Variants in PRKN observed in about 807,000 individuals in gnomAD.
PRKN encodes the protein parkin RBR E3 ubiquitin protein ligase.
Under a neutral mutation model 59.5 loss-of-function variants are expected in PRKN, and 56 were observed. The ratio of observed to expected loss-of-function variants is 0.94; its 90% CI spans 0.76 to 1.18. The LOEUF is 1.18. Among genes scored for constraint, PRKN ranks in the 50% most tolerant of loss-of-function variants. The probability of loss-of-function intolerance (pLI) is 0.00; values close to 1 mark genes in which losing one functional copy is unlikely to be tolerated. For synonymous variants in PRKN, 250 were observed against 222.1 expected, an observed-to-expected ratio of 1.13 and a Z score of -1.12; for missense variants, 657 against 596.4, an observed-to-expected ratio of 1.10 and a Z score of -1.06.
Position 161,470,748 on chromosome 6 carries a change from G to A in PRKN, c.1083+78106C>T, listed in dbSNP as rs73589750. On this transcript the variant is annotated intron_variant, in intron 9 of 11. Transcript: ENST00000366898. This position sits in a 1 kb window ranked among gnomAD's most constrained non-coding sequence, Gnocchi z 5.1. ...CTTCCTCCCATCTGTCCTTCTGAGAGTGGACTGTTCCAGTGATGTGCCTAC... is the reference window on the plus strand; with the variant it reads ...CTTCCTCCCATCTGTCCTTCTGAGAATGGACTGTTCCAGTGATGTGCCTAC... Among the ~76,000 whole-genome samples, 1,628 of 152,304 alleles carry A rather than the reference G, an allele frequency of 0.011. 22 individuals are homozygous for A. Among genetic ancestry groups the A allele is most frequent in the African/African-American group, 0.038 (1,563 of 41,560 alleles).
chr6:161,956,068 G>A (rs1325669795), intron 6 of PRKN, among the ~76,000 whole-genome samples: 1 of 152,116 alleles, frequency 6.6e-6, no homozygotes, highest in Non-Finnish European at 1.5e-5. Context: ...GCAAGTCAGG[G>A]CCAAAATCTT....
At chr6:161,424,590 G>A (rs1002035000) in intron 9 of PRKN, among the ~76,000 whole-genome samples, 1 of 152,124 alleles carries the variant, frequency 6.6e-6, no homozygotes, top group African/African-American at 2.4e-5. Flanking sequence ...CAGGAACTCA[G>A]GGCATTGGGG....
chr6:162,256,756 A>G (rs2128098236), intron 3 of PRKN, among the ~76,000 whole-genome samples: 1 of 152,302 alleles, frequency 6.6e-6, no homozygotes, highest in African/African-American at 2.4e-5. Flanking sequence ...GCCTGTCGTT[A>G]GAAGAGCACA....
intron 4 of PRKN, among the ~76,000 whole-genome samples, chr6:162,085,259 C>T (rs1348775411): frequency 1.3e-5 from 2 of 151,146 alleles, no homozygotes; most frequent in Middle Eastern, 3.4e-3. Context: ...AAGGAATTAC[C>T]CCTACCCCTA....
rs894074210 is a variant in PRKN, at chr6:161,363,609, G to T, written c.1168-3404C>A. ...GAGTTCTGGAAGGAGATAACAAAGA[G>T]CATGAGAGAGAAACAGTGTTTGGAG... On this transcript the variant is annotated intron_variant, in intron 10 of 11. Coordinates refer to ENST00000366898, the MANE Select transcript of PRKN (RefSeq NM_004562.3). This position sits in a 1 kb window ranked among gnomAD's most constrained non-coding sequence, Gnocchi z 4.1. Among the ~76,000 whole-genome samples, 1 of 152,150 alleles carries T rather than the reference G, an allele frequency of 6.6e-6. No individual in the cohort carries two copies. Among genetic ancestry groups the T allele is most frequent in the Admixed American group, 6.6e-5 (1 of 15,260 alleles).
intron 6 of PRKN, among the ~76,000 whole-genome samples, chr6:161,852,086 CA>C (rs33977899): frequency 1.2e-3 from 140 of 121,522 alleles, no homozygotes; most frequent in Middle Eastern, 4.3e-3. Context: ...GACTCCGTCT[CA>C]AAAAAAAAAA....
At chr6:161,634,291 CT>C (rs977762811) in intron 7 of PRKN, among the ~76,000 whole-genome samples, 3 of 152,208 alleles carry the variant, frequency 2.0e-5, no homozygotes, top group African/African-American at 4.8e-5. Context: ...CTCAGTCCCC[CT>C]GAAGGCCTGT....
At chr6:162,121,794 T>C (rs1441364599) in intron 4 of PRKN, among the ~76,000 whole-genome samples, 1 of 152,152 alleles carries the variant, frequency 6.6e-6, no homozygotes, top group African/African-American at 2.4e-5. Flanking sequence ...TGTGGACTCC[T>C]AGGAGAGAGA....
At chr6:162,356,922 T>A (rs1043244739) in intron 2 of PRKN, among the ~76,000 whole-genome samples, 1 of 151,988 alleles carries the variant, frequency 6.6e-6, no homozygotes, top group Non-Finnish European at 1.5e-5. Context: ...GCCATCCACA[T>A]GCAAAAAATA....
chr6:162,643,755 G>A (rs1178903470), intron 1 of PRKN: 1 of 152,038 alleles, frequency 6.6e-6, no homozygotes, highest in Admixed American at 6.6e-5. Flanking sequence ...ATTTCTGAAA[G>A]GTTTTTATCC....
intron 9 of PRKN, among the ~76,000 whole-genome samples, chr6:161,493,485 C>A (rs1777631773): frequency 6.6e-6 from 1 of 152,128 alleles, no homozygotes; most frequent in Non-Finnish European, 1.5e-5. Flanking sequence ...CACTCTACTG[C>A]CTCTGCTAAT....
In PRKN at chr6:161,516,826, C is replaced by CAAAAAA. The variant is rs369136348; in HGVS notation, c.1083+32022_1083+32027dup. On this transcript the variant is annotated intron_variant, in intron 9 of 11. Transcript: ENST00000366898. ...TGGGTGACAGAGCAAGACTCAATCT[C>CAAAAAA]AAAAAAAAAAAAAAAAAAAAAGAAA... Among the ~76,000 whole-genome samples the CAAAAAA allele has an allele frequency of 6.0e-3, 379 of 62,826 alleles. 3 individuals carry two copies. The highest frequency in any genetic ancestry group is 0.015 in the Middle Eastern group (1 of 66). 41.2% of individuals were successfully genotyped at this position (62,826 alleles called of 152,430 possible). A position where few individuals can be genotyped will look rare whatever the true frequency, so the allele number is the denominator to read the frequency against.
chr6:161,777,473 A>G (rs1047297908), intron 7 of PRKN, among the ~76,000 whole-genome samples: 2 of 151,868 alleles, frequency 1.3e-5, no homozygotes, highest in Admixed American at 1.3e-4. Context: ...AGTTTGAAAG[A>G]GACACAAAAA....
chr6:162,119,427 T>C (rs768813882), intron 4 of PRKN, among the ~76,000 whole-genome samples: 4 of 152,226 alleles, frequency 2.6e-5, no homozygotes, highest in East Asian at 1.9e-4. Context: ...CTGGATGCTA[T>C]AGACACAACT....
chr6:162,450,692 C>A (rs1432838003), intron 1 of PRKN, among the ~76,000 whole-genome samples: 2 of 152,114 alleles, frequency 1.3e-5, no homozygotes, highest in Non-Finnish European at 2.9e-5. Flanking sequence ...AAACACCTGG[C>A]CAGCACTGCG....
At chr6:162,648,929 T>C (rs1778306764) in intron 1 of PRKN, among the ~76,000 whole-genome samples, 1 of 152,112 alleles carries the variant, frequency 6.6e-6, no homozygotes, top group South Asian at 2.1e-4. Flanking sequence ...AACTTGGGGG[T>C]CCTCATCTAA....
chr6:161,756,915 G>A (rs113252552), intron 7 of PRKN, among the ~76,000 whole-genome samples: 3,201 of 152,182 alleles, frequency 0.021, 83 homozygotes, highest in South Asian at 0.071. Context: ...GACACAGAGC[G>A]CAGAGAACAG....
chr6:161,864,551 G>C (rs942810343), intron 6 of PRKN, among the ~76,000 whole-genome samples: 1 of 152,118 alleles, frequency 6.6e-6, no homozygotes. Flanking sequence ...TCCTGTTAAT[G>C]TTGATATTTT....
intron 1 of PRKN, among the ~76,000 whole-genome samples, chr6:162,515,620 AAC>A (rs368073298): frequency 7.9e-4 from 120 of 152,318 alleles, no homozygotes; most frequent in African/African-American, 2.8e-3. Context: ...TAAGAAAAGC[AAC>A]AGTCTTTGAA....
Sources: gnomAD v4.1 joint callset for allele counts (sites outside exome capture counted in the v4.1 genomes callset) on GRCh38, gnomAD v4.1.1 for gene constraint, Gnocchi (gnomAD v3.1) non-coding constraint, MANE v1.5 for transcripts, NCBI Gene and HGNC (gene_info 2026-07-23, HGNC 2026-07-21) for gene names.